Variants in SDK1 observed in about 807,000 individuals in gnomAD.
The protein encoded by SDK1 is sidekick cell adhesion molecule 1.
Under a neutral mutation model 245.5 loss-of-function variants are expected in SDK1, and 157 were observed. The ratio of observed to expected loss-of-function variants is 0.64; its 90% CI spans 0.56 to 0.73. The LOEUF (loss-of-function observed/expected upper bound fraction) is 0.73. Ranked by LOEUF, SDK1 falls within the 30% of genes least tolerant of loss-of-function variation. SDK1 has a pLI of 0.00. For synonymous variants in SDK1, 1,647 were observed against 1,278.5 expected, an observed-to-expected ratio of 1.29 and a Z score of -6.15; for missense variants, 3,583 against 3,002.3, an observed-to-expected ratio of 1.19 and a Z score of -4.52.
intron 5 of SDK1, among the ~76,000 whole-genome samples, chr7:3,944,598 TTAGA>T (rs1418218268): frequency 1.3e-5 from 2 of 152,216 alleles, no homozygotes; most frequent in Non-Finnish European, 1.5e-5. Flanking sequence ...TTAAAAATGC[TTAGA>T]TATTCTTTGC....
chr7:3,373,843 T>C, intron 1 of SDK1, among the ~76,000 whole-genome samples: 1 of 152,192 alleles, frequency 6.6e-6, no homozygotes, highest in Non-Finnish European at 1.5e-5. Flanking sequence ...TAACCATTTA[T>C]AATCAACAAC....
chr7:3,462,844 G>A (rs947041939), intron 1 of SDK1, among the ~76,000 whole-genome samples: 2 of 152,128 alleles, frequency 1.3e-5, no homozygotes, highest in African/African-American at 4.8e-5. Context: ...GTCTGTCTGG[G>A]ACTCATGACA....
chr7:4,180,330 G>C (rs1370076114), intron 35 of SDK1, among the ~76,000 whole-genome samples: 1 of 150,560 alleles, frequency 6.6e-6, no homozygotes, highest in African/African-American at 2.5e-5. Context: ...CCAGTGCCCG[G>C]CTCCAGCTCT....
chr7:3,343,085 C>T (rs1199872304), intron 1 of SDK1, among the ~76,000 whole-genome samples: 1 of 150,224 alleles, frequency 6.7e-6, no homozygotes, highest in African/African-American at 2.4e-5. Context: ...TAAAATGGTA[C>T]AGCCACTCTA....
intron 7 of SDK1, 89 bp downstream of exon 7, chr7:3,952,009 G>A (rs1014890464): frequency 6.4e-6 from 8 of 1,252,904 alleles, no homozygotes; most frequent in Non-Finnish European, 8.9e-6. Flanking sequence ...GCGTATTTCA[G>A]TGGCTTTATT....
chr7:3,485,581 G>T (rs1015972011), intron 1 of SDK1, among the ~76,000 whole-genome samples: 3 of 151,076 alleles, frequency 2.0e-5, no homozygotes, highest in Non-Finnish European at 4.4e-5. Flanking sequence ...CTAAAACCAG[G>T]TCCTGTCATC....
At chr7:3,657,901 G>A (rs1276131691) in intron 4 of SDK1, among the ~76,000 whole-genome samples, 1 of 152,210 alleles carries the variant, frequency 6.6e-6, no homozygotes. Context: ...CAGACATAGA[G>A]CCGAGGATGG....
chr7:3,583,029 G>A (rs1401676572), intron 1 of SDK1, among the ~76,000 whole-genome samples: 8 of 152,152 alleles, frequency 5.3e-5, no homozygotes, highest in Non-Finnish European at 1.0e-4. Flanking sequence ...TGTGACCCAG[G>A]TCTAGTCCTA....
In SDK1 at chr7:4,174,009, C is replaced by T. The variant is rs142451266; in HGVS notation, c.4801-213C>T. Among the ~76,000 whole-genome samples the T allele has an allele frequency of 9.6e-4, 146 of 152,324 alleles. 1 individual carries two copies. The highest frequency in any genetic ancestry group is 1.9e-3 in the Non-Finnish European group (127 of 68,030). On this transcript the variant is annotated intron_variant, in intron 32 of 44. Coordinates refer to ENST00000404826, the MANE Select transcript of SDK1 (RefSeq NM_152744.4). ...ATGCTGATGTCCCCACACACATGCA[C>T]ATGAAAACTGGGATTCTGAGAGTAT... is the stretch of plus-strand genomic sequence containing the variant.
At chr7:3,493,961 A>G (rs1781945062) in intron 1 of SDK1, among the ~76,000 whole-genome samples, 1 of 152,250 alleles carries the variant, frequency 6.6e-6, no homozygotes, top group African/African-American at 2.4e-5. Flanking sequence ...GTATAGCCAG[A>G]ACAGGCAGAA....
intron 1 of SDK1, among the ~76,000 whole-genome samples, chr7:3,504,102 AT>A: frequency 6.6e-6 from 1 of 151,914 alleles, no homozygotes; most frequent in Non-Finnish European, 1.5e-5. Context: ...GTGAGCCAAG[AT>A]CGCGCCATTG....
At chr7:3,765,344 A>T (rs893705280) in intron 4 of SDK1, among the ~76,000 whole-genome samples, 1 of 152,216 alleles carries the variant, frequency 6.6e-6, no homozygotes, top group African/African-American at 2.4e-5. Context: ...CCAGATAGGG[A>T]AATACAGTAT....
chr7:3,814,167 T>C (rs186756685), intron 4 of SDK1, among the ~76,000 whole-genome samples: 5 of 151,000 alleles, frequency 3.3e-5, no homozygotes, highest in Non-Finnish European at 7.4e-5. Flanking sequence ...TTTTGCTGTT[T>C]TGGACATAAA....
At chr7:3,817,392 G>C (rs910773010) in intron 4 of SDK1, among the ~76,000 whole-genome samples, 15 of 152,212 alleles carry the variant, frequency 9.9e-5, no homozygotes, top group African/African-American at 3.6e-4. Flanking sequence ...CCTCCACTCT[G>C]AGCAGGGAGT....
At position 3,518,579 on chromosome 7, in the gene SDK1, G is replaced by C. The variant is rs574476534; in HGVS notation, c.299-100501G>C. On this transcript the variant is annotated intron_variant, in intron 1 of 44. Coordinates refer to ENST00000404826, the MANE Select transcript of SDK1 (RefSeq NM_152744.4). Reference sequence around the variant, plus strand: ...TACATGAGCAACAAATATATGAAAAGTATGCTCAACATCACTAATCAGGGA... The same window carrying C: ...TACATGAGCAACAAATATATGAAAACTATGCTCAACATCACTAATCAGGGA... Among the ~76,000 whole-genome samples, 22 of 151,820 alleles carry C rather than the reference G, an allele frequency of 1.4e-4. 1 individual carries two copies. Among genetic ancestry groups the C allele is most frequent in the Non-Finnish European group, 1.0e-4 (7 of 67,938 alleles).
chr7:3,497,096 A>T (rs944831325), intron 1 of SDK1, among the ~76,000 whole-genome samples: 2 of 152,170 alleles, frequency 1.3e-5, no homozygotes, highest in African/African-American at 4.8e-5. Flanking sequence ...ATGTTTATTA[A>T]CAGACAAGAC....
At chr7:3,547,451 G>A (rs150296925) in intron 1 of SDK1, among the ~76,000 whole-genome samples, 47 of 152,252 alleles carry the variant, frequency 3.1e-4, no homozygotes, top group African/African-American at 1.1e-3. Flanking sequence ...ACTAACTGCC[G>A]TTATGATTAA....
chr7:4,005,453 A>G (rs1267427617), intron 14 of SDK1, among the ~76,000 whole-genome samples: 1 of 142,952 alleles, frequency 7.0e-6, no homozygotes, highest in Admixed American at 7.2e-5. Flanking sequence ...CTTCTTGGGT[A>G]TTGCAGGTAC....
At chr7:3,803,434 C>G (rs6975626) in intron 4 of SDK1, among the ~76,000 whole-genome samples, 1 of 151,670 alleles carries the variant, frequency 6.6e-6, no homozygotes, top group Non-Finnish European at 1.5e-5. Flanking sequence ...CCTCAGCCTC[C>G]TGAGTAGCTG....
Sources: gnomAD v4.1 joint callset for allele counts (sites outside exome capture counted in the v4.1 genomes callset) on GRCh38, gnomAD v4.1.1 for gene constraint, MANE v1.5 for transcripts, NCBI Gene and HGNC (gene_info 2026-07-23, HGNC 2026-07-21) for gene names.